Variants in TRPC4 observed in about 807,000 individuals in gnomAD.
TRPC4 encodes transient receptor potential cation channel subfamily C member 4.
A neutral mutation model predicts 99.4 loss-of-function variants in TRPC4; 49 were observed. The observed-to-expected ratio is 0.49, with a 90% CI of 0.39 to 0.63. The LOEUF is 0.63. Among genes scored for constraint, TRPC4 ranks in the 20% least tolerant of loss-of-function variants. The pLI, the probability that TRPC4 is intolerant of heterozygous loss-of-function variation, is 0.00. For missense variants in TRPC4, 898 were observed against 1,152.9 expected (o/e 0.78, Z 3.20); for synonymous variants, 454 against 425.9 (o/e 1.07, Z -0.81).
intron 1 of TRPC4, among the ~76,000 whole-genome samples, chr13:37,809,489 G>T (rs1308471370): frequency 1.3e-5 from 2 of 148,500 alleles, no homozygotes; most frequent in African/African-American, 2.5e-5. Flanking sequence ...TTAAATAACT[G>T]ACTTATAAGC....
At chr13:37,862,224 T>C (rs1189395198) in intron 1 of TRPC4, among the ~76,000 whole-genome samples, 1 of 151,446 alleles carries the variant, frequency 6.6e-6, no homozygotes, top group African/African-American at 2.4e-5. Context: ...ATTATATCCC[T>C]AACTATAAAA....
chr13:37,704,114 A>T (rs1026667173), intron 3 of TRPC4, among the ~76,000 whole-genome samples: 4 of 152,188 alleles, frequency 2.6e-5, no homozygotes, highest in African/African-American at 9.7e-5. Flanking sequence ...AAAGGAAAAA[A>T]AGAACACATA....
At chr13:37,725,622 G>A (rs1417648674) in intron 3 of TRPC4, among the ~76,000 whole-genome samples, 2 of 152,050 alleles carry the variant, frequency 1.3e-5, no homozygotes, top group Non-Finnish European at 2.9e-5. Flanking sequence ...AAACAAAAAA[G>A]AAATTCTGGA....
chr13:37,804,828 G>A (rs1025213512), intron 1 of TRPC4, among the ~76,000 whole-genome samples: 1 of 151,834 alleles, frequency 6.6e-6, no homozygotes, highest in Non-Finnish European at 1.5e-5. Context: ...GAAAGATTGG[G>A]GAGTAATATG....
intron 6 of TRPC4, 34 bp from the exon 7 acceptor site, chr13:37,655,317 A>G: frequency 7.7e-7 from 1 of 1,299,316 alleles, no homozygotes. Context: ...TAATAGCTAT[A>G]TTAATGGAAT....
chr13:37,786,456 A>G (rs1480213754), intron 1 of TRPC4, among the ~76,000 whole-genome samples: 1 of 151,962 alleles, frequency 6.6e-6, no homozygotes, highest in Non-Finnish European at 1.5e-5. Context: ...AGATGCGGGG[A>G]TACTAACTGG....
At chr13:37,830,380 T>G (rs1389853073) in intron 1 of TRPC4, among the ~76,000 whole-genome samples, 3 of 152,062 alleles carry the variant, frequency 2.0e-5, no homozygotes, top group African/African-American at 7.2e-5. Flanking sequence ...CATGTTGTTA[T>G]TATTTATTAT....
Position 37,634,977 on chromosome 13 carries a change from T to C in TRPC4, c.*1926A>G, listed in dbSNP as rs895302057. 6.6e-6 allele frequency among the ~76,000 whole-genome samples: 1 copy of C among 152,142 alleles called. No homozygotes were observed. On this transcript the variant is annotated 3_prime_UTR_variant, in exon 11 of 11. Transcript: ENST00000379705. ...GGAGTGAACAGGGGCTTAGTGCTCC[T>C]GGCTTTTCTGAAAATTAAAATCTAG...
At chr13:37,657,495 A>C (rs1364520362) in intron 6 of TRPC4, among the ~76,000 whole-genome samples, 1 of 152,236 alleles carries the variant, frequency 6.6e-6, no homozygotes, top group Non-Finnish European at 1.5e-5. Flanking sequence ...TTAATGTGAA[A>C]GAATTGTATT....
intron 8 of TRPC4, among the ~76,000 whole-genome samples, chr13:37,644,872 C>A (rs1483705052): frequency 1.5e-3 from 122 of 81,484 alleles, no homozygotes; most frequent in East Asian, 4.7e-3. Context: ...GACTCCATCT[C>A]AAAAAAAAAA....
intron 1 of TRPC4, among the ~76,000 whole-genome samples, chr13:37,783,621 A>G (rs979607729): frequency 6.6e-6 from 1 of 152,086 alleles, no homozygotes; most frequent in Non-Finnish European, 1.5e-5. Context: ...CTGAAAGTGA[A>G]TTTTATCAGA....
intron 2 of TRPC4, among the ~76,000 whole-genome samples, chr13:37,752,885 T>G (rs1310780539): frequency 6.6e-6 from 1 of 152,062 alleles, no homozygotes; most frequent in Admixed American, 6.6e-5. Context: ...AAATAATTAC[T>G]ATACATGAGC....
rs59528300 is a variant in TRPC4, at chr13:37,639,744, C to CATATATATATAT, written c.2080-457_2080-446dup. ...CTCATTAGTCACTGAACTCTCCAAT[C>CATATATATATAT]ATATATATATATATATAATATCAAT... On this transcript the variant is annotated intron_variant, in intron 8 of 10. Coordinates refer to ENST00000379705, the MANE Select transcript of TRPC4 (RefSeq NM_016179.4). Among the ~76,000 whole-genome samples the CATATATATATAT allele has an allele frequency of 1.9e-3, 275 of 146,818 alleles. 4 individuals are homozygous for CATATATATATAT. Among genetic ancestry groups the CATATATATATAT allele is most frequent in the African/African-American group, 6.7e-3 (264 of 39,436 alleles).
At chr13:37,849,619 G>A (rs150117679) in intron 1 of TRPC4, among the ~76,000 whole-genome samples, 29 of 152,244 alleles carry the variant, frequency 1.9e-4, no homozygotes, top group African/African-American at 6.3e-4. Context: ...CACTCAGACC[G>A]TCCAACAGGA....
At chr13:37,840,133 T>C (rs1260808106) in intron 1 of TRPC4, among the ~76,000 whole-genome samples, 1 of 152,168 alleles carries the variant, frequency 6.6e-6, no homozygotes, top group Non-Finnish European at 1.5e-5. Context: ...TTGAATATAA[T>C]AGAGGTTGAT....
intron 5 of TRPC4, among the ~76,000 whole-genome samples, chr13:37,673,654 G>A (rs1952940586): frequency 6.6e-6 from 1 of 152,150 alleles, no homozygotes; most frequent in South Asian, 2.1e-4. Flanking sequence ...TGCAAATTAT[G>A]AGGTTGGGAT....
chr13:37,743,395 G>A lies in TRPC4; in HGVS notation c.897+2542C>T, dbSNP rs371025433. On this transcript the variant is annotated intron_variant, in intron 3 of 10. Coordinates refer to ENST00000379705, the MANE Select transcript of TRPC4 (RefSeq NM_016179.4). ...CTTTGCTTCTTAGATACTGAAGATG[G>A]GATTAGAGTTATGGCTTTTTCATAG... Among the ~76,000 whole-genome samples, 114 of 152,174 alleles carry A rather than the reference G, an allele frequency of 7.5e-4. 1 individual carries two copies. Among genetic ancestry groups the A allele is most frequent in the African/African-American group, 2.6e-3 (109 of 41,538 alleles).
chr13:37,848,248 T>G (rs1293635227), intron 1 of TRPC4, among the ~76,000 whole-genome samples: 1 of 152,162 alleles, frequency 6.6e-6, no homozygotes, highest in African/African-American at 2.4e-5. Flanking sequence ...TGTATACATA[T>G]ATCAAGACAT....
intron 2 of TRPC4, among the ~76,000 whole-genome samples, chr13:37,764,094 G>A (rs1029636045): frequency 6.6e-6 from 1 of 151,768 alleles, no homozygotes; most frequent in South Asian, 2.1e-4. Flanking sequence ...TACTACTGGG[G>A]TGGAGACATT....
Sources: allele counts gnomAD v4.1 joint callset (sites outside exome capture counted in the v4.1 genomes callset), GRCh38; gene constraint gnomAD v4.1.1; transcripts MANE v1.5; gene names NCBI Gene and HGNC (gene_info 2026-07-23, HGNC 2026-07-21).